Variants in GSG1L observed in about 807,000 individuals in gnomAD.
GSG1L encodes GSG1 like.
In GSG1L, 24 loss-of-function variants were observed where a neutral mutation model predicts 42.1. The observed-to-expected ratio is 0.57, with a 90% confidence interval of 0.41 to 0.80. The LOEUF (loss-of-function observed/expected upper bound fraction) is 0.80, where lower values mean the gene tolerates loss of function less well. Ranked by LOEUF, GSG1L falls within the 30% of genes least tolerant of loss-of-function variation. The probability of loss-of-function intolerance (pLI) is 0.00; values close to 1 mark genes in which losing one functional copy is unlikely to be tolerated. For synonymous variants in GSG1L, 215 were observed against 203.5 expected (o/e 1.06, Z -0.48); for missense variants, 445 against 472.2 (o/e 0.94, Z 0.53).
At chr16:27,795,154 C>T (rs2082803951) in intron 6 of GSG1L, among the ~76,000 whole-genome samples, 1 of 151,714 alleles carries the variant, frequency 6.6e-6, no homozygotes, top group Non-Finnish European at 1.5e-5. Flanking sequence ...CCTGGCCCAG[C>T]ACAGAGCAAG....
chr16:27,939,288 T>A, intron 2 of GSG1L, among the ~76,000 whole-genome samples: 1 of 152,040 alleles, frequency 6.6e-6, no homozygotes, highest in Non-Finnish European at 1.5e-5. Context: ...CACCCAGCTT[T>A]TTTAAAATAC....
At position 27,829,744 on chromosome 16, in the gene GSG1L, C is replaced by G. The variant is rs1596540554; in HGVS notation, c.663-788G>C. 2.0e-5 allele frequency among the ~76,000 whole-genome samples: 3 copies of G among 152,166 alleles called. No individual in the cohort carries two copies. The South Asian group carries it at 6.2e-4, about 32-fold the overall frequency. The stretch of plus-strand genomic sequence containing the variant: ...ACGTTCATCGTAATGGACAACAGCA[C>G]TACCTCATAGGGTTGTTACAAGGAT... On this transcript the variant is annotated intron_variant, in intron 4 of 6. Transcript: ENST00000447459.
In GSG1L at chr16:27,789,386, G is replaced by A. The variant is rs2082726576; in HGVS notation, c.*1984C>T. 6.6e-6 allele frequency: 1 copy of A among 151,674 alleles called. No homozygotes were observed. The highest frequency in any genetic ancestry group is 2.1e-4 in the South Asian group (1 of 4,786). 9.4% of individuals were successfully genotyped at this position (151,674 alleles called of 1,614,324 possible). On this transcript the variant is annotated 3_prime_UTR_variant, in exon 7 of 7. Transcript: ENST00000447459. ...ATGGTTGATGGATAATGGGCAGATG[G>A]AGGGATGAATGGATGAGTGGATGAT...
chr16:27,892,930 G>C (rs1051975276), intron 2 of GSG1L, among the ~76,000 whole-genome samples: 3 of 152,170 alleles, frequency 2.0e-5, no homozygotes, highest in Admixed American at 6.5e-5. Flanking sequence ...TGCCTGGCCT[G>C]TGATGAACAC....
At chr16:27,920,641 G>A (rs941933597) in intron 2 of GSG1L, among the ~76,000 whole-genome samples, 2 of 152,208 alleles carry the variant, frequency 1.3e-5, no homozygotes, top group Non-Finnish European at 2.9e-5. Flanking sequence ...CAGCCATCCC[G>A]GGAAGTCACT....
At chr16:27,827,996 C>T (rs961849103) in intron 5 of GSG1L, among the ~76,000 whole-genome samples, 6 of 149,892 alleles carry the variant, frequency 4.0e-5, no homozygotes, top group African/African-American at 1.5e-4. Flanking sequence ...CATCCACCTA[C>T]CCGTCTGTCC....
At chr16:27,991,439 T>C (rs1393754900) in intron 1 of GSG1L, among the ~76,000 whole-genome samples, 3 of 151,912 alleles carry the variant, frequency 2.0e-5, no homozygotes, top group Non-Finnish European at 4.4e-5. Context: ...GGAGTCTCAC[T>C]CTATTGCCCA....
Position 27,942,662 on chromosome 16 carries a change from A to G in GSG1L, c.397+20494T>C, listed in dbSNP as rs75517257. ...TCCAAATAGCCATAAACACAAAAAGATGTTCAACCTCATTAGTAATCAGGG... is the reference window on the plus strand; with the variant it reads ...TCCAAATAGCCATAAACACAAAAAGGTGTTCAACCTCATTAGTAATCAGGG... On this transcript the variant is annotated intron_variant, in intron 2 of 6. Coordinates refer to ENST00000447459, the MANE Select transcript of GSG1L (RefSeq NM_001109763.2). Among the ~76,000 whole-genome samples the G allele has an allele frequency of 9.6e-3, 1,462 of 152,336 alleles. 32 individuals are homozygous for G. The highest frequency in any genetic ancestry group is 0.033 in the African/African-American group (1,387 of 41,566).
intron 2 of GSG1L, among the ~76,000 whole-genome samples, chr16:27,892,348 G>C (rs1012581012): frequency 6.6e-6 from 1 of 152,022 alleles, no homozygotes; most frequent in Non-Finnish European, 1.5e-5. Flanking sequence ...CCAGCTACTT[G>C]GGAGGTTGAG....
At chr16:27,877,857 A>C (rs2083906710) in intron 3 of GSG1L, among the ~76,000 whole-genome samples, 1 of 152,070 alleles carries the variant, frequency 6.6e-6, no homozygotes, top group African/African-American at 2.4e-5. Context: ...AATGATAACA[A>C]CCTGAAGTCC....
In GSG1L at chr16:27,788,727, C is replaced by T. The variant is rs2082719255; in HGVS notation, c.*2643G>A. ...CCCTTGTTGTCCTGTTAGTAAACAC[C>T]CACAAAGTGTTTACTTGTGCCAGGC... On this transcript the variant is annotated 3_prime_UTR_variant, in exon 7 of 7. Transcript: ENST00000447459. 6.6e-6 allele frequency: 1 copy of T among 152,210 alleles called. No individual in the cohort carries two copies. Among genetic ancestry groups the T allele is most frequent in the African/African-American group, 2.4e-5 (1 of 41,434 alleles). The allele number at this position is 152,210 out of a possible 1,614,324, so 9.4% of individuals were successfully genotyped here.
chr16:27,968,308 G>A (rs910258804), intron 1 of GSG1L, among the ~76,000 whole-genome samples: 1 of 152,006 alleles, frequency 6.6e-6, no homozygotes, highest in Non-Finnish European at 1.5e-5. Context: ...GGAGTGCAAT[G>A]GCTCAATCAT....
At chr16:27,910,425 C>T (rs1385293594) in intron 2 of GSG1L, among the ~76,000 whole-genome samples, 1 of 152,210 alleles carries the variant, frequency 6.6e-6, no homozygotes, top group Non-Finnish European at 1.5e-5. Context: ...ATCACAAAAA[C>T]CTCTGTGAGG....
chr16:28,007,645 TG>T (rs1303721428), intron 1 of GSG1L, among the ~76,000 whole-genome samples: 42 of 152,250 alleles, frequency 2.8e-4, no homozygotes, highest in Middle Eastern at 3.4e-3. Context: ...CCTGAGTATC[TG>T]GGACCACAGG....
At chr16:27,924,903 T>C (rs756401924) in intron 2 of GSG1L, among the ~76,000 whole-genome samples, 4 of 152,154 alleles carry the variant, frequency 2.6e-5, no homozygotes, top group Non-Finnish European at 5.9e-5. Context: ...GACTCACATC[T>C]CTTAAGAGTA....
chr16:27,897,060 C>G (rs996731244), intron 2 of GSG1L, among the ~76,000 whole-genome samples: 1 of 152,166 alleles, frequency 6.6e-6, no homozygotes, highest in Non-Finnish European at 1.5e-5. Context: ...GACAGTGTTT[C>G]ACCATTTTGG....
intron 1 of GSG1L, among the ~76,000 whole-genome samples, chr16:28,044,044 T>C (rs148794007): frequency 6.6e-6 from 1 of 151,702 alleles, no homozygotes; most frequent in African/African-American, 2.4e-5. Context: ...AAAAAAAAAC[T>C]GTATTAAATA....
chr16:28,063,248 G>A lies in GSG1L; in HGVS notation c.177C>T (p.Ala59=), dbSNP rs2086366282. The change falls in exon 1 of 7, where the codon GCC becomes GCT. Residue 59 remains alanine (A), a synonymous_variant. Transcript: ENST00000447459. The surrounding 1 kb of genome is among the most constrained non-coding windows in gnomAD (Gnocchi z 5.8). ...RANCPNSGAN[A]TANGTAAPAA... Reference sequence around the variant, plus strand: ...CGGGGGCGGCGGTGCCGTTGGCCGTGGCGTTGGCGCCCGAGTTGGGGCAGT... The same window carrying A: ...CGGGGGCGGCGGTGCCGTTGGCCGTAGCGTTGGCGCCCGAGTTGGGGCAGT... 7.7e-7 allele frequency: 1 copy of A among 1,298,672 alleles called. No homozygotes were observed. The highest frequency in any genetic ancestry group is 9.8e-7 in the Non-Finnish European group (1 of 1,022,214). 80.4% of individuals were successfully genotyped at this position (1,298,672 alleles called of 1,614,324 possible). A position where few individuals can be genotyped will look rare whatever the true frequency, so the allele number is the denominator to read the frequency against.
At chr16:28,036,063 C>G (rs548778786) in intron 1 of GSG1L, among the ~76,000 whole-genome samples, 27 of 152,260 alleles carry the variant, frequency 1.8e-4, no homozygotes, top group African/African-American at 6.3e-4. Flanking sequence ...ATTCTTCCCC[C>G]ACATCCACCC....
Sources: allele counts gnomAD v4.1 joint callset (sites outside exome capture counted in the v4.1 genomes callset), GRCh38; gene constraint gnomAD v4.1.1; non-coding constraint Gnocchi (gnomAD v3.1); transcripts MANE v1.5; gene names NCBI Gene and HGNC (gene_info 2026-07-23, HGNC 2026-07-21).